The following ZNF565 variants were observed in gnomAD, a reference collection of about 807,000 sequenced individuals.
The protein encoded by ZNF565 is zinc finger protein 565.
In ZNF565, 27 loss-of-function variants were observed where a neutral mutation model predicts 39.4. The ratio of observed to expected loss-of-function variants is 0.69; its 90% CI spans 0.51 to 0.95. The LOEUF is 0.95. Among genes scored for constraint, ZNF565 ranks in the 40% least tolerant of loss-of-function variants. The pLI, the probability that ZNF565 is intolerant of heterozygous loss-of-function variation, is 0.00. For synonymous variants in ZNF565, 185 were observed against 216.6 expected (o/e 0.85, Z 1.28); for missense variants, 524 against 621.1 (o/e 0.84, Z 1.66).
chr19:36,231,118 T>A (rs1168152710), intron 1 of ZNF565, among the ~76,000 whole-genome samples: 1 of 152,164 alleles, frequency 6.6e-6, no homozygotes, highest in African/African-American at 2.4e-5. Context: ...CACAACTGAC[T>A]TTGGGAGGCC....
At chr19:36,192,189 A>G (rs894107107) in intron 4 of ZNF565, among the ~76,000 whole-genome samples, 3 of 151,802 alleles carry the variant, frequency 2.0e-5, no homozygotes, top group Admixed American at 1.3e-4. Flanking sequence ...GGGTTTCACC[A>G]TATTGGCCAG....
In ZNF565 at chr19:36,182,678, G is replaced by A. The variant is rs762487623; in HGVS notation, c.1288C>T (p.Arg430Cys). The A allele has an allele frequency of 1.4e-5, 22 of 1,614,046 alleles. No individual in the cohort carries two copies. Among genetic ancestry groups the A allele is most frequent in the East Asian group, 6.7e-5 (3 of 44,900 alleles). ...TGATGATGAGTCAGTTGTGAAACAC[G>A]AATAAAGGCCTTCCCACATTCCTTA... is the stretch of plus-strand genomic sequence containing the variant. ...ECKECGKAFIRVSQLTHHQRI... is the reference protein window; with the variant it reads ...ECKECGKAFICVSQLTHHQRI... The change falls in exon 5 of 5, where the codon CGT becomes TGT. Residue 430 changes from arginine to cysteine, a missense_variant. Arg to Cys is a radical substitution (Grantham distance 180). Transcript: ENST00000304116.
intron 1 of ZNF565, among the ~76,000 whole-genome samples, chr19:36,234,963 G>A (rs939850492): frequency 3.9e-5 from 6 of 151,920 alleles, no homozygotes; most frequent in Non-Finnish European, 8.8e-5. Context: ...TTTGAATAAG[G>A]GAATTTGTAC....
chr19:36,233,676 C>T lies in ZNF565; in HGVS notation c.55+11800G>A, dbSNP rs567141615. 4.0e-3 allele frequency among the ~76,000 whole-genome samples: 603 copies of T among 152,310 alleles called. 1 individual carries two copies. Among genetic ancestry groups the T allele is most frequent in the Non-Finnish European group, 7.1e-3 (484 of 68,030 alleles). On this transcript the variant is annotated intron_variant, in intron 1 of 4. Transcript: ENST00000355114. Reference sequence around the variant, plus strand: ...ACAAGGTAAAGAAAAAAGTGCTGTGCTTTTGATGTGCATATACATAAACAT... The same window carrying T: ...ACAAGGTAAAGAAAAAAGTGCTGTGTTTTTGATGTGCATATACATAAACAT...
At chr19:36,209,482 G>A (rs1382023736) in intron 1 of ZNF565, among the ~76,000 whole-genome samples, 2 of 151,884 alleles carry the variant, frequency 1.3e-5, no homozygotes, top group Non-Finnish European at 2.9e-5. Context: ...GTGACAGAGC[G>A]GGACTCCGTC....
intron 1 of ZNF565, chr19:36,238,384 G>A (rs1480410029): frequency 6.0e-6 from 1 of 167,100 alleles, no homozygotes; most frequent in Non-Finnish European, 1.5e-5. Context: ...TGTGAAGAGT[G>A]GAGAAGGGAA....
At chr19:36,242,648 C>T (rs373408540) in intron 1 of ZNF565, among the ~76,000 whole-genome samples, 7 of 151,082 alleles carry the variant, frequency 4.6e-5, no homozygotes, top group South Asian at 2.1e-4. Context: ...TCACTTGAAC[C>T]TGGGAGGCGG....
intron 1 of ZNF565, among the ~76,000 whole-genome samples, chr19:36,208,058 T>C (rs1405159653): frequency 6.6e-6 from 1 of 152,108 alleles, no homozygotes; most frequent in Non-Finnish European, 1.5e-5. Flanking sequence ...ACTCAGACGC[T>C]TGGTCAATAT....
chr19:36,195,006 G>C, intron 3 of ZNF565, 24 bp downstream of exon 3: 1 of 1,613,988 alleles, frequency 6.2e-7, no homozygotes, highest in South Asian at 1.1e-5. Context: ...TTTCCGTCTG[G>C]CCCGTGTGAT....
At chr19:36,229,020 G>A (rs189988219) in intron 1 of ZNF565, among the ~76,000 whole-genome samples, 2 of 152,290 alleles carry the variant, frequency 1.3e-5, no homozygotes, top group South Asian at 2.1e-4. Flanking sequence ...GAGGGGCCAG[G>A]CGCCCCTCCT....
At chr19:36,214,000 ACACCCACT>A (rs1976478672) in intron 1 of ZNF565, among the ~76,000 whole-genome samples, 1 of 151,976 alleles carries the variant, frequency 6.6e-6, no homozygotes, top group Admixed American at 6.6e-5. Flanking sequence ...TCACAGTCAC[ACACCCACT>A]CAGGGGACAC....
At chr19:36,241,778 T>G (rs1474438687) in intron 1 of ZNF565, among the ~76,000 whole-genome samples, 5 of 76,030 alleles carry the variant, frequency 6.6e-5, no homozygotes, top group South Asian at 4.4e-4. Context: ...GCAAGAAGAG[T>G]GTCAAAAAAA....
chr19:36,190,136 A>G (rs1042476414), intron 4 of ZNF565, among the ~76,000 whole-genome samples: 1 of 152,036 alleles, frequency 6.6e-6, no homozygotes, highest in African/African-American at 2.4e-5. Flanking sequence ...CCGTCCATAC[A>G]TTGTTAATTT....
chr19:36,226,956 G>A (rs1045095125), intron 1 of ZNF565, among the ~76,000 whole-genome samples: 1 of 152,114 alleles, frequency 6.6e-6, no homozygotes, highest in Admixed American at 6.6e-5. Context: ...GGTGGCGCAT[G>A]CCTATAGTCC....
At chr19:36,241,039 G>C (rs905068433) in intron 1 of ZNF565, among the ~76,000 whole-genome samples, 42 of 152,226 alleles carry the variant, frequency 2.8e-4, no homozygotes, top group African/African-American at 9.4e-4. Flanking sequence ...GGACTTCCCA[G>C]CCTCCAGAAC....
chr19:36,231,694 CA>C (rs1568434749), intron 1 of ZNF565, among the ~76,000 whole-genome samples: 1 of 152,146 alleles, frequency 6.6e-6, no homozygotes, highest in African/African-American at 2.4e-5. Flanking sequence ...GAGATTACCT[CA>C]GACCAGTTTC....
rs574511313 is a variant in ZNF565, at chr19:36,212,723, A to G, written c.-66+1899T>C. Among the ~76,000 whole-genome samples, 6 of 152,276 alleles carry G rather than the reference A, an allele frequency of 3.9e-5. No homozygotes were observed. The East Asian group carries it at 1.2e-3, about 29-fold the overall frequency. Reference sequence around the variant, plus strand: ...AAAAAAATTTAAAAGAACATTAGGTATGCAGGGAGCAGGGAGGATATAGGC... The same window carrying G: ...AAAAAAATTTAAAAGAACATTAGGTGTGCAGGGAGCAGGGAGGATATAGGC... On this transcript the variant is annotated intron_variant, in intron 1 of 4. Transcript: ENST00000304116.
At chr19:36,202,721 G>C (rs150513906) in intron 1 of ZNF565, among the ~76,000 whole-genome samples, 1 of 152,268 alleles carries the variant, frequency 6.6e-6, no homozygotes, top group Non-Finnish European at 1.5e-5. Flanking sequence ...GCCAAATCTT[G>C]AGTAAAAGAC....
chr19:36,242,859 C>T (rs1229568393), intron 1 of ZNF565, among the ~76,000 whole-genome samples: 2 of 152,180 alleles, frequency 1.3e-5, no homozygotes, highest in Non-Finnish European at 2.9e-5. Context: ...TCTGTTTCTT[C>T]TTGACATGGT....
Sources: gnomAD v4.1 joint callset for allele counts (sites outside exome capture counted in the v4.1 genomes callset) on GRCh38, gnomAD v4.1.1 for gene constraint, MANE v1.5 for transcripts, NCBI Gene and HGNC (gene_info 2026-07-23, HGNC 2026-07-21) for gene names.